TECTA: variants seen among roughly 807,000 people sequenced by gnomAD.
TECTA encodes the protein tectorin alpha.
TECTA carries 128 observed loss-of-function variants against 216.8 expected under a neutral mutation model. That is an observed-to-expected ratio of 0.59 (90% confidence interval 0.51 to 0.68). The LOEUF is 0.68. Among genes scored for constraint, TECTA ranks in the 30% least tolerant of loss-of-function variants. The pLI is 0.00. For synonymous variants in TECTA, 1,089 were observed against 1,117.1 expected, an observed-to-expected ratio of 0.97 and a Z score of 0.50; for missense variants, 2,551 against 2,786.2, an observed-to-expected ratio of 0.92 and a Z score of 1.90.
intron 13 of TECTA, among the ~76,000 whole-genome samples, chr11:121,154,490 G>A (rs1269540010): frequency 6.6e-6 from 1 of 152,202 alleles, no homozygotes; most frequent in Non-Finnish European, 1.5e-5. Context: ...CACAATTGAG[G>A]AGAAGATATA....
chr11:121,104,260 T>C (rs1445390560), intron 2 of TECTA, among the ~76,000 whole-genome samples: 1 of 152,072 alleles, frequency 6.6e-6, no homozygotes, highest in Non-Finnish European at 1.5e-5. Context: ...TTTTTTTAAT[T>C]AGTACTTCCA....
At chr11:121,161,135 T>C (rs1310925285) in intron 15 of TECTA, among the ~76,000 whole-genome samples, 2 of 152,186 alleles carry the variant, frequency 1.3e-5, no homozygotes, top group Non-Finnish European at 2.9e-5. Context: ...GAAATCACAC[T>C]TTAAGCCTCT....
chr11:121,122,729 TGTA>T (rs1946571044), intron 7 of TECTA, among the ~76,000 whole-genome samples: 1 of 147,014 alleles, frequency 6.8e-6, no homozygotes, highest in Admixed American at 6.8e-5. Flanking sequence ...GGCATGCACC[TGTA>T]GTCCCAGCTA....
intron 4 of TECTA, among the ~76,000 whole-genome samples, 167 bp from the exon 5 acceptor site, chr11:121,112,905 C>A (rs1322969740): frequency 6.6e-6 from 1 of 152,222 alleles, no homozygotes; most frequent in African/African-American, 2.4e-5. Context: ...CTTTTCCCAA[C>A]GGAGGCGAGA....
At chr11:121,130,856 C>T (rs1946667162) in intron 10 of TECTA, among the ~76,000 whole-genome samples, 1 of 152,120 alleles carries the variant, frequency 6.6e-6, no homozygotes, top group South Asian at 2.1e-4. Flanking sequence ...CTCATCTGGC[C>T]TTCAGCACAC....
intron 18 of TECTA, 90 bp downstream of exon 18, chr11:121,166,870 G>A: frequency 1.4e-6 from 2 of 1,455,380 alleles, no homozygotes; most frequent in Non-Finnish European, 1.9e-6. Flanking sequence ...CAACTTCAGG[G>A]TGATCTGCTT....
intron 7 of TECTA, among the ~76,000 whole-genome samples, chr11:121,124,908 C>T (rs966173440): frequency 6.6e-6 from 1 of 152,198 alleles, no homozygotes. Flanking sequence ...CTGGAAAATG[C>T]ATGACTTAAG....
intron 20 of TECTA, among the ~76,000 whole-genome samples, chr11:121,175,785 G>A (rs529091715): frequency 3.3e-5 from 5 of 151,082 alleles, no homozygotes; most frequent in Admixed American, 1.3e-4. Context: ...TAATGTTGAC[G>A]GGGTGTTAAA....
intron 10 of TECTA, among the ~76,000 whole-genome samples, chr11:121,131,815 C>G (rs1368982228): frequency 6.6e-6 from 1 of 152,144 alleles, no homozygotes; most frequent in Non-Finnish European, 1.5e-5. Flanking sequence ...GCTTATATTT[C>G]TTCCTGGTTC....
At position 121,127,840 on chromosome 11, in the gene TECTA, G is replaced by C; in HGVS notation, c.1863G>C (p.Arg621=). The C allele has an allele frequency of 6.2e-7, 1 of 1,614,110 alleles. No individual in the cohort carries two copies. The highest frequency in any genetic ancestry group is 8.5e-7 in the Non-Finnish European group (1 of 1,180,044). ...CATGCTCCGACCTGACGGCCTCGCG[G>C]AACTGCGCCACGCCGTGCACAGAGG... is the stretch of plus-strand genomic sequence containing the variant. The part of the protein sequence containing the change: ...PDTCSDLTAS[R]NCATPCTEGC... Residue 621 remains arginine, a synonymous_variant, in exon 9 of 24, where the codon CGG becomes CGC. Coordinates refer to ENST00000392793, the MANE Select transcript of TECTA (RefSeq NM_005422.4). The surrounding 1 kb of genome is among the most constrained non-coding windows in gnomAD (Gnocchi z 5.0).
chr11:121,119,006 C>CACAAACACACACACACACAA (rs1282245034), intron 7 of TECTA, among the ~76,000 whole-genome samples: 1 of 93,460 alleles, frequency 1.1e-5, no homozygotes, highest in African/African-American at 5.4e-5. Context: ...CACACACACA[C>CACAAACACACACACACACAA]ACACACACAC....
intron 20 of TECTA, among the ~76,000 whole-genome samples, chr11:121,181,143 G>T: frequency 6.6e-6 from 1 of 152,092 alleles, no homozygotes; most frequent in East Asian, 1.9e-4. Context: ...CCAGCCTGGT[G>T]ACAGAGCAAG....
intron 20 of TECTA, among the ~76,000 whole-genome samples, chr11:121,174,641 T>C (rs1213984702): frequency 2.0e-5 from 3 of 152,200 alleles, no homozygotes; most frequent in Non-Finnish European, 4.4e-5. Flanking sequence ...AGGATATTGG[T>C]CTAAAATTCT....
chr11:121,130,644 G>A (rs1946665156), intron 10 of TECTA, among the ~76,000 whole-genome samples: 1 of 152,144 alleles, frequency 6.6e-6, no homozygotes. Flanking sequence ...CCTGACAATG[G>A]GTATTAAGAG....
chr11:121,188,556 T>C (rs1443086892), intron 21 of TECTA, among the ~76,000 whole-genome samples: 1 of 152,006 alleles, frequency 6.6e-6, no homozygotes, highest in Non-Finnish European at 1.5e-5. Context: ...CTGGAGGGGG[T>C]GAGGGATGAG....
chr11:121,168,115 G>A lies in TECTA; in HGVS notation c.5648G>A (p.Gly1883Asp). Residue 1883 changes from glycine to aspartate, a missense_variant, in exon 19 of 24, where the codon GGC becomes GAC. Gly to Asp is a moderately conservative substitution (Grantham distance 94). This residue lies in a region of TECTA where 2,375 missense variants were observed against 2,563.9 expected (regional missense o/e 0.93). Coordinates refer to ENST00000392793, the MANE Select transcript of TECTA (RefSeq NM_005422.4). ...TLWIESANNT[G>D]NIITRDRTIN... ...TGGATCGAAAGCGCCAACAACACTG[G>A]CAACATCATCACCAGGGACCGCACG... is the stretch of plus-strand genomic sequence containing the variant. 6.2e-7 allele frequency: 1 copy of A among 1,614,132 alleles called. No individual in the cohort carries two copies. Among genetic ancestry groups the A allele is most frequent in the Non-Finnish European group, 8.5e-7 (1 of 1,180,026 alleles).
intron 11 of TECTA, among the ~76,000 whole-genome samples, chr11:121,143,912 G>A (rs1946809630): frequency 6.6e-6 from 1 of 152,196 alleles, no homozygotes; most frequent in Non-Finnish European, 1.5e-5. Context: ...GACTCCCAGT[G>A]TCAGCCAGTC....
At chr11:121,181,704 G>A (rs950159873) in intron 20 of TECTA, among the ~76,000 whole-genome samples, 1 of 152,160 alleles carries the variant, frequency 6.6e-6, no homozygotes, top group African/African-American at 2.4e-5. Context: ...ACAACCTCAG[G>A]TGATCCACCC....
At chr11:121,154,907 A>T (rs1016187540) in intron 13 of TECTA, among the ~76,000 whole-genome samples, 1 of 152,242 alleles carries the variant, frequency 6.6e-6, no homozygotes, top group Non-Finnish European at 1.5e-5. Flanking sequence ...TAATGAAAGG[A>T]TGCAAAGAAA....
Sources: gnomAD v4.1 joint callset for allele counts (sites outside exome capture counted in the v4.1 genomes callset) on GRCh38, gnomAD v4.1.1 for gene constraint, gnomAD v4.1.1 regional missense constraint, Gnocchi (gnomAD v3.1) non-coding constraint, MANE v1.5 for transcripts, NCBI Gene and HGNC (gene_info 2026-07-23, HGNC 2026-07-21) for gene names.